Variants in ZNF420 observed in about 807,000 individuals in gnomAD.
ZNF420 encodes ATM and p53-associated KZNF protein.
Under a neutral mutation model 44.7 loss-of-function variants are expected in ZNF420, and 31 were observed. The observed-to-expected ratio is 0.69, with a 90% CI of 0.52 to 0.94. The LOEUF is 0.94. Ranked by LOEUF, ZNF420 falls within the 40% of genes least tolerant of loss-of-function variation. ZNF420 has a pLI of 0.00. For missense variants in ZNF420, 681 were observed against 827.9 expected (o/e 0.82, Z 2.18); for synonymous variants, 245 against 267.4 (o/e 0.92, Z 0.82).
upstream of ZNF420, among the ~76,000 whole-genome samples, chr19:37,076,156 G>GT (rs1472704899): frequency 6.6e-6 from 1 of 152,018 alleles, no homozygotes; most frequent in Non-Finnish European, 1.5e-5. Context: ...GTGAACAACT[G>GT]TTTTTTACTT....
intron 1 of ZNF420, among the ~76,000 whole-genome samples, chr19:37,017,668 G>A (rs552384931): frequency 3.3e-4 from 50 of 152,206 alleles, no homozygotes; most frequent in Non-Finnish European, 5.6e-4. Context: ...AGGAAACTAC[G>A]TCAACATAAT....
At chr19:37,072,148 A>C (rs897479379) in intron 1 of ZNF420, among the ~76,000 whole-genome samples, 1 of 152,146 alleles carries the variant, frequency 6.6e-6, no homozygotes, top group African/African-American at 2.4e-5. Context: ...AGACTCTTTC[A>C]TTTCTTTTTT....
chr19:37,014,957 C>T (rs1481672753), intron 1 of ZNF420, among the ~76,000 whole-genome samples: 2 of 152,210 alleles, frequency 1.3e-5, no homozygotes, highest in African/African-American at 4.8e-5. Context: ...TCAGGCCTGC[C>T]TAGATAGTTT....
intron 4 of ZNF420, chr19:37,108,476 C>T (rs957779399): frequency 2.0e-5 from 3 of 152,170 alleles, no homozygotes; most frequent in African/African-American, 7.2e-5. Context: ...AACTATATTT[C>T]CTACAACTAG....
intron 1 of ZNF420, among the ~76,000 whole-genome samples, chr19:37,067,929 T>C (rs1053191377): frequency 2.0e-5 from 3 of 152,210 alleles, no homozygotes; most frequent in Non-Finnish European, 4.4e-5. Context: ...ATTGGCATAC[T>C]TCAACACTAA....
At chr19:37,037,811 T>C (rs1967386004) in intron 1 of ZNF420, among the ~76,000 whole-genome samples, 1 of 152,208 alleles carries the variant, frequency 6.6e-6, no homozygotes, top group Non-Finnish European at 1.5e-5. Context: ...ATAACATTTA[T>C]ATGCACAGGA....
chr19:37,087,297 AT>A (rs1450851458), intron 2 of ZNF420, among the ~76,000 whole-genome samples: 4,812 of 119,656 alleles, frequency 0.04, 131 homozygotes, highest in East Asian at 0.081. Context: ...AAAAAAATAA[AT>A]AAATAAATAA....
At chr19:37,053,230 T>A (rs1378432187) in intron 1 of ZNF420, among the ~76,000 whole-genome samples, 1 of 152,208 alleles carries the variant, frequency 6.6e-6, no homozygotes, top group African/African-American at 2.4e-5. Flanking sequence ...TTTAAGGACT[T>A]CTCTGCATTG....
upstream of ZNF420, among the ~76,000 whole-genome samples, chr19:37,075,815 T>G (rs931027899): frequency 2.0e-5 from 3 of 152,096 alleles, no homozygotes; most frequent in African/African-American, 7.2e-5. Flanking sequence ...CCTATAATGC[T>G]TAAGTTCCCT....
chr19:37,111,470 A>G (rs1365554273), intron 4 of ZNF420: 3 of 152,096 alleles, frequency 2.0e-5, no homozygotes, highest in African/African-American at 4.8e-5. Context: ...TTTATTTTCT[A>G]TCTGCATCCC....
At chr19:37,034,258 T>G (rs181464472) in intron 1 of ZNF420, among the ~76,000 whole-genome samples, 49 of 152,266 alleles carry the variant, frequency 3.2e-4, no homozygotes, top group African/African-American at 9.4e-4. Flanking sequence ...TTGCATTTCC[T>G]TAGTAATCAG....
intron 4 of ZNF420, among the ~76,000 whole-genome samples, chr19:37,120,959 T>C (rs1970994587): frequency 6.6e-6 from 1 of 152,058 alleles, no homozygotes; most frequent in East Asian, 1.9e-4. Context: ...AAACCACTGC[T>C]CAATGAAATA....
rs199658161 is a variant in ZNF420, at chr19:37,030,491, C to T, written c.-125+22409C>T. On this transcript the variant is annotated intron_variant, in intron 1 of 4. Transcript: ENST00000587029. ...TTTCTTTATATGTGAAAATTATTTT[C>T]AGATTCCACATGTAAGTAAGGTCAT... Among the ~76,000 whole-genome samples, 8 of 152,274 alleles carry T rather than the reference C, an allele frequency of 5.3e-5. No homozygotes were observed. The East Asian group carries it at 1.2e-3, about 22-fold the overall frequency.
At position 37,057,013 on chromosome 19, in the gene ZNF420, C is replaced by T. The variant is rs570936463; in HGVS notation, c.-124-23332C>T. Among the ~76,000 whole-genome samples the T allele has an allele frequency of 5.2e-5, 8 of 152,392 alleles. No homozygotes were observed. The East Asian group carries it at 9.6e-4, about 18-fold the overall frequency. ...GCCTAGCCAATGCGCATGCGCGAAG[C>T]GCCAGCCAATTCTCCCATCACAGTG... On this transcript the variant is annotated intron_variant, in intron 1 of 4. Coordinates refer to the ZNF420 transcript ENST00000587029.
rs558441698 is a variant in ZNF420, at chr19:37,015,875, G to A, written c.-125+7793G>A. On this transcript the variant is annotated intron_variant, in intron 1 of 4. Coordinates refer to the ZNF420 transcript ENST00000587029. The stretch of plus-strand genomic sequence containing the variant: ...CATGCGAGTGGGATGGATTGATCCT[G>A]CGCGGGCTCTGGCCTCTTCTCTGTC... Among the ~76,000 whole-genome samples, 11 of 152,326 alleles carry A rather than the reference G, an allele frequency of 7.2e-5. No homozygotes were observed. In the East Asian group the frequency reaches 2.1e-3, roughly 29 times the overall value.
chr19:37,058,681 G>A (rs1249363617), intron 1 of ZNF420, among the ~76,000 whole-genome samples: 1 of 142,508 alleles, frequency 7.0e-6, no homozygotes, highest in Non-Finnish European at 1.6e-5. Context: ...TTGACTGGGA[G>A]GTCATCTGTG....
At chr19:37,053,003 A>C (rs1306655345) in intron 1 of ZNF420, among the ~76,000 whole-genome samples, 2 of 152,146 alleles carry the variant, frequency 1.3e-5, no homozygotes, top group African/African-American at 2.4e-5. Context: ...GTACACCAAT[A>C]AGACGTAGAT....
chr19:37,032,508 A>G (rs956413677), intron 1 of ZNF420, among the ~76,000 whole-genome samples: 1 of 36,038 alleles, frequency 2.8e-5, no homozygotes, highest in Non-Finnish European at 6.5e-5. Context: ...GGTCTTTAAG[A>G]AAAAAAAAAA....
intron 1 of ZNF420, among the ~76,000 whole-genome samples, chr19:37,033,871 C>G (rs771576270): frequency 6.6e-6 from 1 of 152,192 alleles, no homozygotes; most frequent in Non-Finnish European, 1.5e-5. Flanking sequence ...ATTCTGCTGC[C>G]TCAGCCTCCT....
Sources: allele counts gnomAD v4.1 joint callset (sites outside exome capture counted in the v4.1 genomes callset), GRCh38; gene constraint gnomAD v4.1.1; transcripts MANE v1.5; gene names NCBI Gene and HGNC (gene_info 2026-07-23, HGNC 2026-07-21).